The following CCDC134 variants were observed in gnomAD, a reference collection of about 807,000 sequenced individuals.
The protein encoded by CCDC134 is coiled-coil domain-containing protein 134.
CCDC134 carries 27 observed loss-of-function variants against 25.6 expected under a neutral mutation model. The ratio of observed to expected loss-of-function variants is 1.05; its 90% CI spans 0.78 to 1.45. The LOEUF (loss-of-function observed/expected upper bound fraction) is 1.45. CCDC134 is among the 40% of genes most tolerant of loss of function. CCDC134 has a pLI of 0.00. For synonymous variants in CCDC134, 110 were observed against 115.0 expected, an observed-to-expected ratio of 0.96 and a Z score of 0.28; for missense variants, 261 against 286.7, an observed-to-expected ratio of 0.91 and a Z score of 0.65.
rs1331453607 is a variant in CCDC134 at position 41,830,963 on chromosome 22, G to A, written c.*5140G>A. ...TGCAATGGCGCGATCTCTGCTCACC[G>A]TAACTTCTGCCTCCCGGGTTCAAGC... On this transcript the variant is annotated 3_prime_UTR_variant, in exon 7 of 7. Coordinates refer to ENST00000255784, the MANE Select transcript of CCDC134 (RefSeq NM_024821.5). Among the ~76,000 whole-genome samples the A allele has an allele frequency of 1.4e-5, 2 of 141,478 alleles. No individual in the cohort carries two copies. The highest frequency in any genetic ancestry group is 2.1e-4 in the East Asian group (1 of 4,846). 92.8% of individuals were successfully genotyped at this position (141,478 alleles called of 152,430 possible). A position where few individuals can be genotyped will look rare whatever the true frequency, so the allele number is the denominator to read the frequency against.
At chr22:41,817,265 G>T (rs1352770942) in intron 6 of CCDC134, among the ~76,000 whole-genome samples, 1 of 152,144 alleles carries the variant, frequency 6.6e-6, no homozygotes, top group African/African-American at 2.4e-5. Context: ...CAAGTAGAAT[G>T]ATATGTTTAG....
Position 41,813,738 on chromosome 22 carries a change from T to C in CCDC134, c.493-13T>C, listed in dbSNP as rs751230384. ...GAGAAGGCAGATGATGACTAGTGTTTCTTCATCTGCAGATGGCCCAGGAGC... is the reference window on the plus strand; with the variant it reads ...GAGAAGGCAGATGATGACTAGTGTTCCTTCATCTGCAGATGGCCCAGGAGC... On this transcript the variant is annotated splice_polypyrimidine_tract_variant and intron_variant, in intron 5 of 6. Transcript: ENST00000255784. 5.6e-6 allele frequency: 9 copies of C among 1,613,450 alleles called. No individual in the cohort carries two copies. The African/African-American group carries it at 9.3e-5, about 17-fold the overall frequency.
chr22:41,819,991 ATATATAT>A (rs1569358010), intron 6 of CCDC134, among the ~76,000 whole-genome samples: 56 of 132,570 alleles, frequency 4.2e-4, no homozygotes, highest in African/African-American at 1.6e-3. Context: ...ATATATATAT[ATATATAT>A]AATTTTTTTT....
chr22:41,819,204 C>T (rs879421992), intron 6 of CCDC134, among the ~76,000 whole-genome samples: 1 of 152,204 alleles, frequency 6.6e-6, no homozygotes, highest in Non-Finnish European at 1.5e-5. Flanking sequence ...TTCTTATGTA[C>T]CCATCACTAG....
Position 41,829,386 on chromosome 22 carries a change from C to A in CCDC134, c.*3563C>A, listed in dbSNP as rs1035312789. Reference sequence around the variant, plus strand: ...TTTTTTATGGAGCTGTTTCTATTTTCTTTTTGGGCAGCCATACTCTCTAAG... The same window carrying A: ...TTTTTTATGGAGCTGTTTCTATTTTATTTTTGGGCAGCCATACTCTCTAAG... On this transcript the variant is annotated 3_prime_UTR_variant, in exon 7 of 7. Transcript: ENST00000255784. Among the ~76,000 whole-genome samples, 2 of 152,124 alleles carry A rather than the reference C, an allele frequency of 1.3e-5. No individual in the cohort carries two copies. The highest frequency in any genetic ancestry group is 2.9e-5 in the Non-Finnish European group (2 of 68,004).
rs1486954783 is a variant in CCDC134 at position 41,831,945 on chromosome 22, A to C, written c.*6122A>C. 1 of 152,192 alleles carries C rather than the reference A, an allele frequency of 6.6e-6. No individual in the cohort carries two copies. The highest frequency in any genetic ancestry group is 1.5e-5 in the Non-Finnish European group (1 of 68,036). The allele number at this position is 152,192 out of a possible 1,614,324, so 9.4% of individuals were successfully genotyped here. ...CTATGAGGGATGCTATTTTATCCCCATTTTAGAGATGACTAAACTGAGGCT... is the reference window on the plus strand; with the variant it reads ...CTATGAGGGATGCTATTTTATCCCCCTTTTAGAGATGACTAAACTGAGGCT... On this transcript the variant is annotated 3_prime_UTR_variant, in exon 7 of 7. Coordinates refer to ENST00000255784, the MANE Select transcript of CCDC134 (RefSeq NM_024821.5).
chr22:41,826,486 A>G lies in CCDC134; in HGVS notation c.*663A>G, dbSNP rs951523707. ...GACAAATGATTGGTGTTGGGAAAGG[A>G]CCTGGAAGTGCCCTGGGACCTGGGA... is the stretch of plus-strand genomic sequence containing the variant. On this transcript the variant is annotated 3_prime_UTR_variant, in exon 7 of 7. Transcript: ENST00000255784. Among the ~76,000 whole-genome samples, 1 of 152,190 alleles carries G rather than the reference A, an allele frequency of 6.6e-6. No homozygotes were observed. The highest frequency in any genetic ancestry group is 6.5e-5 in the Admixed American group (1 of 15,286).
intron 1 of CCDC134, among the ~76,000 whole-genome samples, chr22:41,805,362 G>T (rs536094446): frequency 6.6e-6 from 1 of 152,192 alleles, no homozygotes; most frequent in African/African-American, 2.4e-5. Flanking sequence ...AGCCTGGGAG[G>T]TCAAGGCTAC....
chr22:41,809,525 G>A (rs1326872272), intron 2 of CCDC134, among the ~76,000 whole-genome samples: 1 of 152,204 alleles, frequency 6.6e-6, no homozygotes, highest in Non-Finnish European at 1.5e-5. Context: ...AACTCCTAGA[G>A]GAGGGTGAGG....
intron 6 of CCDC134, 37 bp downstream of exon 6, chr22:41,813,859 C>T (rs771298632): frequency 3.8e-6 from 6 of 1,595,408 alleles, no homozygotes; most frequent in Non-Finnish European, 5.2e-6. Flanking sequence ...TCTGCTTTGC[C>T]TCTGCTGGGC....
chr22:41,829,322 C>T lies in CCDC134; in HGVS notation c.*3499C>T, dbSNP rs1049506710. 2.0e-5 allele frequency among the ~76,000 whole-genome samples: 3 copies of T among 152,162 alleles called. No homozygotes were observed. The highest frequency in any genetic ancestry group is 7.2e-5 in the African/African-American group (3 of 41,446). Reference sequence around the variant, plus strand: ...TCAAGTCTGAGCTGACTCTCTCTTCCGGATTCTTCTTTCCTCACCTGCCCC... The same window carrying T: ...TCAAGTCTGAGCTGACTCTCTCTTCTGGATTCTTCTTTCCTCACCTGCCCC... On this transcript the variant is annotated 3_prime_UTR_variant, in exon 7 of 7. Coordinates refer to ENST00000255784, the MANE Select transcript of CCDC134 (RefSeq NM_024821.5).
At chr22:41,805,257 C>A (rs1184618177) in intron 1 of CCDC134, among the ~76,000 whole-genome samples, 1 of 151,936 alleles carries the variant, frequency 6.6e-6, no homozygotes, top group Non-Finnish European at 1.5e-5. Context: ...ATGCCCAAAC[C>A]CCATCTCTAC....
At chr22:41,819,970 T>TATATATAC (rs2076641400) in intron 6 of CCDC134, among the ~76,000 whole-genome samples, 1 of 104,990 alleles carries the variant, frequency 9.5e-6, no homozygotes, top group Non-Finnish European at 1.8e-5. Flanking sequence ...ACTTTATATA[T>TATATATAC]ATATATATAT....
In CCDC134 at chr22:41,829,600, G is replaced by A. The variant is rs961810693; in HGVS notation, c.*3777G>A. On this transcript the variant is annotated 3_prime_UTR_variant, in exon 7 of 7. Transcript: ENST00000255784. Reference sequence around the variant, plus strand: ...TCTGAACTGAATCCTGAAAGATTAGGGGAAGAGGAAGAAAAGGACAGGTGC... The same window carrying A: ...TCTGAACTGAATCCTGAAAGATTAGAGGAAGAGGAAGAAAAGGACAGGTGC... Among the ~76,000 whole-genome samples the A allele has an allele frequency of 2.0e-5, 3 of 152,116 alleles. No individual in the cohort carries two copies. Among genetic ancestry groups the A allele is most frequent in the Non-Finnish European group, 4.4e-5 (3 of 68,016 alleles).
At chr22:41,823,501 T>C (rs934999121) in intron 6 of CCDC134, among the ~76,000 whole-genome samples, 3 of 152,168 alleles carry the variant, frequency 2.0e-5, no homozygotes, top group Non-Finnish European at 4.4e-5. Flanking sequence ...GCTGGGATTA[T>C]AGGCATGAGC....
chr22:41,817,279 G>A (rs552010634), intron 6 of CCDC134, among the ~76,000 whole-genome samples: 1 of 152,284 alleles, frequency 6.6e-6, no homozygotes, highest in East Asian at 1.9e-4. Flanking sequence ...TGTTTAGGTG[G>A]CAGTGGCAGT....
rs1178546245 is a variant in CCDC134, at chr22:41,826,846, C to G, written c.*1023C>G. On this transcript the variant is annotated 3_prime_UTR_variant, in exon 7 of 7. Transcript: ENST00000255784. ...GGAGGGAAGGGCTTTAGTGAGAATTCTAGCTCTGCCTCTTTGACCTTGCCA... is the reference window on the plus strand; with the variant it reads ...GGAGGGAAGGGCTTTAGTGAGAATTGTAGCTCTGCCTCTTTGACCTTGCCA... Among the ~76,000 whole-genome samples, 1 of 152,230 alleles carries G rather than the reference C, an allele frequency of 6.6e-6. No homozygotes were observed. Among genetic ancestry groups the G allele is most frequent in the Non-Finnish European group, 1.5e-5 (1 of 68,036 alleles).
intron 4 of CCDC134, among the ~76,000 whole-genome samples, chr22:41,812,495 G>A (rs956270183): frequency 8.7e-5 from 13 of 149,232 alleles, no homozygotes; most frequent in African/African-American, 2.7e-4. Context: ...GTTATGTTAT[G>A]TTAAGTCCAA....
At chr22:41,805,166 C>T (rs1460371614) in intron 1 of CCDC134, among the ~76,000 whole-genome samples, 1 of 152,212 alleles carries the variant, frequency 6.6e-6, no homozygotes, top group Non-Finnish European at 1.5e-5. Context: ...CATGGTGGCT[C>T]ACGCCTGTAA....
Sources: allele counts gnomAD v4.1 joint callset (sites outside exome capture counted in the v4.1 genomes callset), GRCh38; gene constraint gnomAD v4.1.1; transcripts MANE v1.5; gene names NCBI Gene and HGNC (gene_info 2026-07-23, HGNC 2026-07-21).